The following SLC35F1 variants were observed in gnomAD, a reference collection of about 807,000 sequenced individuals.
The protein encoded by SLC35F1 is solute carrier family 35 member F1.
A neutral mutation model predicts 48.7 loss-of-function variants in SLC35F1; 14 were observed. The observed-to-expected ratio is 0.29, with a 90% CI of 0.19 to 0.45. The LOEUF (loss-of-function observed/expected upper bound fraction) is 0.45, where lower values mean the gene tolerates loss of function less well. SLC35F1 is among the 20% of genes least tolerant of loss of function. SLC35F1 has a pLI of 1.00. For missense variants in SLC35F1, 404 were observed against 500.0 expected (o/e 0.81, Z 1.83); for synonymous variants, 190 against 202.2 (o/e 0.94, Z 0.51).
intron 2 of SLC35F1, among the ~76,000 whole-genome samples, chr6:118,215,322 G>A (rs1025160533): frequency 6.6e-6 from 1 of 152,144 alleles, no homozygotes; most frequent in African/African-American, 2.4e-5. Context: ...TCAAAAATAT[G>A]AGGCAATTTA....
rs576443846 is a variant in SLC35F1, at chr6:117,939,008, C to CTTTTTTT, written c.173+31120_173+31126dup. ...GCCTGTATGTGCTTGAATTCTTGTT[C>CTTTTTTT]TTTTTTTTTTTTTTTTTCCGGAGAC... is the stretch of plus-strand genomic sequence containing the variant. On this transcript the variant is annotated intron_variant, in intron 1 of 7. Coordinates refer to ENST00000360388, the MANE Select transcript of SLC35F1 (RefSeq NM_001029858.4). Among the ~76,000 whole-genome samples, 4 of 132,100 alleles carry CTTTTTTT rather than the reference C, an allele frequency of 3.0e-5. 1 individual carries two copies. The allele number at this position is 132,100 out of a possible 152,430, so 86.7% of individuals were successfully genotyped here.
intron 7 of SLC35F1, among the ~76,000 whole-genome samples, chr6:118,291,647 C>G (rs1776124487): frequency 6.6e-6 from 1 of 152,094 alleles, no homozygotes; most frequent in Non-Finnish European, 1.5e-5. Flanking sequence ...CCAGGCATTC[C>G]CTGGTGGCTT....
intron 1 of SLC35F1, among the ~76,000 whole-genome samples, chr6:118,101,872 T>G (rs1773262991): frequency 6.6e-6 from 1 of 152,234 alleles, no homozygotes; most frequent in African/African-American, 2.4e-5. Context: ...TCAAGCTCCC[T>G]TTTCTCTGAA....
At chr6:118,001,456 G>A (rs1009058497) in intron 1 of SLC35F1, among the ~76,000 whole-genome samples, 2 of 152,050 alleles carry the variant, frequency 1.3e-5, no homozygotes, top group Admixed American at 6.6e-5. Context: ...AATTCAAGAT[G>A]GATTAAAGAC....
At chr6:117,981,651 C>G (rs117725231) in intron 1 of SLC35F1, among the ~76,000 whole-genome samples, 204 of 152,108 alleles carry the variant, frequency 1.3e-3, no homozygotes, top group Non-Finnish European at 2.5e-3. Context: ...GGACGGCAAG[C>G]AGTCATGAAA....
chr6:118,209,889 A>G (rs1460046027), intron 2 of SLC35F1, among the ~76,000 whole-genome samples: 1 of 152,132 alleles, frequency 6.6e-6, no homozygotes, highest in African/African-American at 2.4e-5. Context: ...TCTTAATTCT[A>G]TCCTCCAGGG....
chr6:117,928,825 T>C (rs968942260), intron 1 of SLC35F1, among the ~76,000 whole-genome samples: 3 of 152,136 alleles, frequency 2.0e-5, no homozygotes, highest in East Asian at 3.9e-4. Context: ...TCACCAGTAC[T>C]ACAAAGGGGT....
chr6:118,067,603 T>C (rs1233493953), intron 1 of SLC35F1, among the ~76,000 whole-genome samples: 3 of 152,194 alleles, frequency 2.0e-5, no homozygotes, highest in Non-Finnish European at 2.9e-5. Context: ...TAATGGTTAA[T>C]AGTCTCAAAT....
intron 1 of SLC35F1, among the ~76,000 whole-genome samples, chr6:118,045,758 A>T (rs562809383): frequency 2.6e-5 from 4 of 152,314 alleles, no homozygotes; most frequent in Non-Finnish European, 5.9e-5. Context: ...GACGCTGATG[A>T]AGTTATTATA....
chr6:118,274,392 T>TTA (rs1442982093), intron 4 of SLC35F1, among the ~76,000 whole-genome samples: 2 of 152,086 alleles, frequency 1.3e-5, no homozygotes, highest in African/African-American at 4.8e-5. Context: ...TTGAGTTTAT[T>TTA]TTTATTTATT....
chr6:118,168,938 C>T (rs1290556034), intron 2 of SLC35F1, among the ~76,000 whole-genome samples: 1 of 152,178 alleles, frequency 6.6e-6, no homozygotes, highest in African/African-American at 2.4e-5. Context: ...TATACAACAA[C>T]TCACTGGGAC....
At chr6:118,080,163 C>T (rs140496019) in intron 1 of SLC35F1, among the ~76,000 whole-genome samples, 2 of 152,306 alleles carry the variant, frequency 1.3e-5, no homozygotes, top group African/African-American at 2.4e-5. Context: ...TTCATCAATT[C>T]AGTAAGTGGG....
chr6:118,213,459 A>C (rs1236565957), intron 2 of SLC35F1, among the ~76,000 whole-genome samples: 1 of 152,186 alleles, frequency 6.6e-6, no homozygotes, highest in East Asian at 1.9e-4. Flanking sequence ...GAATGTGAAA[A>C]ATGTGCATAT....
chr6:118,291,190 A>G lies in SLC35F1; in HGVS notation c.1002+5852A>G, dbSNP rs965589217. Among the ~76,000 whole-genome samples the G allele has an allele frequency of 2.0e-5, 3 of 151,950 alleles. No individual in the cohort carries two copies. In the East Asian group the frequency reaches 5.8e-4, roughly 29 times the overall value. ...AATCTTGGTAAATTTTGTAACATTC[A>G]AAAATGGTTATGGTGATGATATGGG... On this transcript the variant is annotated intron_variant, in intron 7 of 7. Transcript: ENST00000360388.
At chr6:118,061,881 G>A (rs939346269) in intron 1 of SLC35F1, among the ~76,000 whole-genome samples, 1 of 151,992 alleles carries the variant, frequency 6.6e-6, no homozygotes, top group Non-Finnish European at 1.5e-5. Flanking sequence ...ATCTAATGCC[G>A]CCACTGATCT....
At chr6:118,065,701 T>C (rs902893329) in intron 1 of SLC35F1, among the ~76,000 whole-genome samples, 7 of 152,218 alleles carry the variant, frequency 4.6e-5, no homozygotes, top group African/African-American at 1.7e-4. Context: ...GCTAATTAAA[T>C]TTAATGGAAT....
chr6:117,935,839 A>G (rs1222873843), intron 1 of SLC35F1, among the ~76,000 whole-genome samples: 3 of 152,194 alleles, frequency 2.0e-5, no homozygotes, highest in South Asian at 4.1e-4. Flanking sequence ...CTCTAGATGT[A>G]TGTCTGTGAA....
At chr6:118,274,814 A>G (rs1259829303) in intron 4 of SLC35F1, among the ~76,000 whole-genome samples, 2 of 152,234 alleles carry the variant, frequency 1.3e-5, no homozygotes, top group Non-Finnish European at 2.9e-5. Flanking sequence ...ATTTCAACCC[A>G]TAAATCCTTT....
At chr6:118,279,708 A>G (rs1314701430) in intron 6 of SLC35F1, among the ~76,000 whole-genome samples, 1 of 152,050 alleles carries the variant, frequency 6.6e-6, no homozygotes, top group Non-Finnish European at 1.5e-5. Flanking sequence ...ACCCTCTCAA[A>G]CCCACCCCAC....
Sources: gnomAD v4.1 joint callset for allele counts (sites outside exome capture counted in the v4.1 genomes callset) on GRCh38, gnomAD v4.1.1 for gene constraint, MANE v1.5 for transcripts, NCBI Gene and HGNC (gene_info 2026-07-23, HGNC 2026-07-21) for gene names.